The following MCF2 variants were observed in gnomAD, a reference collection of about 807,000 sequenced individuals.
MCF2 encodes proto-oncogene DBL.
A neutral mutation model predicts 82.5 loss-of-function variants in MCF2; 44 were observed. That is an observed-to-expected ratio of 0.53 (90% CI 0.42 to 0.69). The LOEUF (loss-of-function observed/expected upper bound fraction) is 0.69. MCF2 is among the 30% of genes least tolerant of loss of function. The probability of loss-of-function intolerance (pLI) is 0.00; values close to 1 mark genes in which losing one functional copy is unlikely to be tolerated. For synonymous variants in MCF2, 217 were observed against 224.9 expected, an observed-to-expected ratio of 0.96 and a Z score of 0.32; for missense variants, 623 against 663.1, an observed-to-expected ratio of 0.94 and a Z score of 0.66.
intron 1 of MCF2, among the ~76,000 whole-genome samples, chrX:139,672,588 G>A (rs759446616): frequency 1.1e-4 from 12 of 111,906 alleles, no homozygotes; most frequent in East Asian, 2.8e-4. Flanking sequence ...GGTTTTTGCC[G>A]TTGGTCCTGT....
At chrX:139,617,936 G>C (rs1330119227) in intron 7 of MCF2, among the ~76,000 whole-genome samples, 3 of 110,135 alleles carry the variant, frequency 2.7e-5, no homozygotes, top group African/African-American at 9.8e-5. Flanking sequence ...GATGTCATTA[G>C]AAGCTCATGC....
chrX:139,610,254 G>T, intron 11 of MCF2, 47 bp downstream of exon 15: 1 of 848,000 alleles, frequency 1.2e-6, no homozygotes, highest in Non-Finnish European at 1.7e-6. Context: ...TACCAACTCT[G>T]CAACTAAAGC....
At chrX:139,642,352 C>G in intron 1 of MCF2, 1 of 973,609 alleles carries the variant, frequency 1.0e-6, no homozygotes, top group Non-Finnish European at 1.5e-6. Flanking sequence ...AGTCTCCATT[C>G]TCTCCATCTG....
intron 16 of MCF2, among the ~76,000 whole-genome samples, chrX:139,600,544 C>T (rs1207995954): frequency 9.0e-6 from 1 of 111,393 alleles, no homozygotes; most frequent in East Asian, 2.8e-4. Context: ...ATATCTCAAA[C>T]AAGTGACCCT....
At chrX:139,623,436 G>A (rs1046700497) in intron 6 of MCF2, among the ~76,000 whole-genome samples, 3 of 111,616 alleles carry the variant, frequency 2.7e-5, no homozygotes, top group Non-Finnish European at 5.6e-5. Flanking sequence ...GCAACATGAT[G>A]CAGCTGGAGG....
At chrX:139,675,689 G>A (rs771501734) in intron 1 of MCF2, among the ~76,000 whole-genome samples, 6 of 111,297 alleles carry the variant, frequency 5.4e-5, no homozygotes, top group East Asian at 2.8e-4. Flanking sequence ...TCCTTCCTCC[G>A]GAAGCTTTGT....
intron 1 of MCF2, among the ~76,000 whole-genome samples, chrX:139,703,474 T>G (rs1461298127): frequency 3.6e-5 from 4 of 111,950 alleles, no homozygotes. Flanking sequence ...CGGTGGCTCA[T>G]GCCTGTAATC....
At chrX:139,601,123 T>C (rs762391503) in intron 16 of MCF2, among the ~76,000 whole-genome samples, 11 of 109,775 alleles carry the variant, frequency 1.0e-4, no homozygotes, top group Admixed American at 1.9e-4. Flanking sequence ...GAATGGAAAA[T>C]AGAAAAGATA....
chrX:139,681,090 G>A (rs1934987229), intron 1 of MCF2, among the ~76,000 whole-genome samples: 1 of 112,288 alleles, frequency 8.9e-6, no homozygotes, highest in South Asian at 3.7e-4. Flanking sequence ...TGCCATCAAA[G>A]AGTCTCAGAA....
At chrX:139,660,249 A>G (rs17002212) in intron 1 of MCF2, among the ~76,000 whole-genome samples, 1,858 of 111,875 alleles carry the variant, frequency 0.017, 40 homozygotes, top group African/African-American at 0.057. Flanking sequence ...TCTAATGCAA[A>G]TTACTAACTA....
chrX:139,707,525 C>T (rs966988399), intron 1 of MCF2, among the ~76,000 whole-genome samples: 2 of 111,565 alleles, frequency 1.8e-5, no homozygotes, highest in Non-Finnish European at 3.8e-5. Flanking sequence ...GGAAAATTTG[C>T]GTGCTTAAAA....
chrX:139,593,878 C>G (rs1929774639), intron 19 of MCF2, among the ~76,000 whole-genome samples: 1 of 110,958 alleles, frequency 9.0e-6, no homozygotes, highest in Non-Finnish European at 1.9e-5. Context: ...TCAGCAAAGT[C>G]TCAGGATACA....
intron 1 of MCF2, among the ~76,000 whole-genome samples, chrX:139,639,322 C>T (rs895047026): frequency 1.8e-5 from 2 of 111,650 alleles, no homozygotes; most frequent in Non-Finnish European, 3.8e-5. Context: ...ATAGTTTGCA[C>T]GAGAGAGGAA....
chrX:139,595,593 G>C (rs1340609036), intron 19 of MCF2, among the ~76,000 whole-genome samples: 3 of 72,579 alleles, frequency 4.1e-5, no homozygotes, highest in Non-Finnish European at 7.6e-5. Flanking sequence ...GGGGGGAGGG[G>C]GGAGGGATAG....
intron 11 of MCF2, 143 bp from the exon 16 acceptor site, chrX:139,607,922 A>G: frequency 2.4e-6 from 1 of 419,088 alleles, no homozygotes; most frequent in South Asian, 5.0e-5. Flanking sequence ...TTTCAAAATA[A>G]CTTTGATACG....
chrX:139,603,153 T>C (rs188728939), intron 15 of MCF2, among the ~76,000 whole-genome samples: 47 of 112,705 alleles, frequency 4.2e-4, no homozygotes, highest in Middle Eastern at 4.6e-3. Context: ...ATTAATAATT[T>C]CCCTGTTTTT....
intron 1 of MCF2, among the ~76,000 whole-genome samples, chrX:139,668,298 A>G (rs769458973): frequency 1.1e-3 from 128 of 111,656 alleles, no homozygotes; most frequent in Admixed American, 2.7e-3. Flanking sequence ...GGGTTCCAGG[A>G]TACTGTGCAG....
intron 10 of MCF2, chrX:139,613,238 T>C: frequency 8.7e-7 from 1 of 1,152,492 alleles, no homozygotes; most frequent in Non-Finnish European, 1.2e-6. Context: ...GTTTACATGC[T>C]TGAAAGAAAG....
upstream of MCF2, chrX:139,647,043 G>C: frequency 2.3e-6 from 1 of 425,652 alleles, no homozygotes; most frequent in Non-Finnish European, 4.1e-6. Flanking sequence ...AACCAAAATG[G>C]CTCCAAGTTC....
Sources: allele counts gnomAD v4.1 joint callset (sites outside exome capture counted in the v4.1 genomes callset), GRCh38; gene constraint gnomAD v4.1.1; transcripts MANE v1.5; gene names NCBI Gene and HGNC (gene_info 2026-07-23, HGNC 2026-07-21).